The following CNTNAP2 variants were observed in gnomAD, a reference collection of about 807,000 sequenced individuals.
CNTNAP2 encodes the protein contactin-associated protein-like 2.
Under a neutral mutation model 155.2 loss-of-function variants are expected in CNTNAP2, and 98 were observed. The ratio of observed to expected loss-of-function variants is 0.63; its 90% CI spans 0.54 to 0.75. CNTNAP2 has a LOEUF of 0.75. CNTNAP2 is among the 30% of genes least tolerant of loss of function. The pLI is 0.00. For synonymous variants in CNTNAP2, 651 were observed against 631.2 expected (o/e 1.03, Z -0.47); for missense variants, 1,727 against 1,688.1 (o/e 1.02, Z -0.40).
chr7:147,785,406 T>G (rs1418586483), intron 13 of CNTNAP2, among the ~76,000 whole-genome samples: 1 of 152,094 alleles, frequency 6.6e-6, no homozygotes, highest in African/African-American at 2.4e-5. Context: ...GCCAGTGAAC[T>G]TTGTAATATG....
At chr7:148,117,282 T>C (rs1804494215) in intron 15 of CNTNAP2, among the ~76,000 whole-genome samples, 1 of 152,150 alleles carries the variant, frequency 6.6e-6, no homozygotes, top group Non-Finnish European at 1.5e-5. Flanking sequence ...ATCCCCATAC[T>C]ATACAACAAT....
chr7:147,719,957 G>A (rs1240507794), intron 13 of CNTNAP2, among the ~76,000 whole-genome samples: 1 of 151,772 alleles, frequency 6.6e-6, no homozygotes, highest in Non-Finnish European at 1.5e-5. Flanking sequence ...ATATGTTCCC[G>A]CCTTGTAACA....
intron 1 of CNTNAP2, among the ~76,000 whole-genome samples, chr7:146,132,962 G>C (rs1448808891): frequency 1.4e-5 from 2 of 148,080 alleles, no homozygotes; most frequent in Non-Finnish European, 3.0e-5. Context: ...GGTATTTCCA[G>C]TTCTAGATCC....
intron 1 of CNTNAP2, among the ~76,000 whole-genome samples, chr7:146,697,182 G>T (rs1169461845): frequency 2.6e-5 from 4 of 152,060 alleles, no homozygotes; most frequent in African/African-American, 9.7e-5. Context: ...ATTAGGCACA[G>T]ACACAATAAG....
At chr7:147,301,575 T>TATATAGTTATATAG in intron 9 of CNTNAP2, among the ~76,000 whole-genome samples, 1 of 120,358 alleles carries the variant, frequency 8.3e-6, no homozygotes, top group East Asian at 3.1e-4. Context: ...GTTATATAGC[T>TATATAGTTATATAG]CTCTCTCTCT....
chr7:147,502,839 A>C (rs1562969557), intron 11 of CNTNAP2, among the ~76,000 whole-genome samples: 1 of 152,112 alleles, frequency 6.6e-6, no homozygotes, highest in Non-Finnish European at 1.5e-5. Context: ...GAAATTAAAA[A>C]AAGAAAGTAG....
intron 3 of CNTNAP2, among the ~76,000 whole-genome samples, chr7:147,012,459 G>C (rs1323415044): frequency 6.6e-6 from 1 of 152,084 alleles, no homozygotes; most frequent in Non-Finnish European, 1.5e-5. Context: ...AGAAAAATGA[G>C]AAAGTAATTA....
chr7:147,515,579 C>T (rs911733795), intron 11 of CNTNAP2, among the ~76,000 whole-genome samples: 1 of 152,014 alleles, frequency 6.6e-6, no homozygotes, highest in African/African-American at 2.4e-5. Flanking sequence ...CCTCGGCCTC[C>T]CAAAGTGCTG....
intron 1 of CNTNAP2, among the ~76,000 whole-genome samples, chr7:146,617,315 T>C (rs1293743951): frequency 1.3e-5 from 2 of 152,214 alleles, no homozygotes; most frequent in Non-Finnish European, 2.9e-5. Flanking sequence ...ACTACAAAGA[T>C]GTGATTCAAA....
At chr7:147,177,895 C>T (rs1433620083) in intron 8 of CNTNAP2, among the ~76,000 whole-genome samples, 2 of 152,092 alleles carry the variant, frequency 1.3e-5, no homozygotes, top group South Asian at 2.1e-4. Flanking sequence ...TGCTTCTGCT[C>T]ATATCCACCA....
intron 15 of CNTNAP2, among the ~76,000 whole-genome samples, chr7:148,036,384 A>G (rs1468644009): frequency 1.3e-5 from 2 of 152,146 alleles, no homozygotes; most frequent in African/African-American, 4.8e-5. Flanking sequence ...TGTTTGGATC[A>G]TGGTGGCACT....
intron 1 of CNTNAP2, among the ~76,000 whole-genome samples, chr7:146,726,884 T>G (rs571304011): frequency 1.3e-5 from 2 of 152,306 alleles, no homozygotes; most frequent in East Asian, 3.9e-4. Flanking sequence ...CAAAATATAT[T>G]ATTTCTCTTT....
At chr7:146,238,371 G>C (rs577888623) in intron 1 of CNTNAP2, among the ~76,000 whole-genome samples, 1 of 152,228 alleles carries the variant, frequency 6.6e-6, no homozygotes, top group Admixed American at 6.5e-5. Flanking sequence ...TAAAATACCT[G>C]TTCTAATTTG....
intron 1 of CNTNAP2, among the ~76,000 whole-genome samples, chr7:146,471,963 A>G (rs979686086): frequency 1.3e-5 from 2 of 152,222 alleles, no homozygotes; most frequent in African/African-American, 4.8e-5. Context: ...TTTCTTAAGA[A>G]TCTGAAATGA....
intron 1 of CNTNAP2, among the ~76,000 whole-genome samples, chr7:146,333,854 G>T (rs533214991): frequency 6.6e-6 from 1 of 152,244 alleles, no homozygotes; most frequent in South Asian, 2.1e-4. Flanking sequence ...ATCTGTACTA[G>T]ACTGAAGAAA....
chr7:147,300,377 G>A (rs1794924422), intron 9 of CNTNAP2, 87 bp downstream of exon 9: 1 of 1,420,766 alleles, frequency 7.0e-7, no homozygotes, highest in African/African-American at 1.5e-5. Flanking sequence ...ATTTATATTT[G>A]ACTCAACTGA....
chr7:147,720,086 C>G (rs1161051395), intron 13 of CNTNAP2, among the ~76,000 whole-genome samples: 4 of 152,078 alleles, frequency 2.6e-5, no homozygotes, highest in Non-Finnish European at 5.9e-5. Flanking sequence ...ACTATTTTCA[C>G]TCTTCCCCAA....
intron 16 of CNTNAP2, among the ~76,000 whole-genome samples, chr7:148,128,075 G>T (rs1804752848): frequency 6.6e-6 from 1 of 151,964 alleles, no homozygotes; most frequent in Admixed American, 6.6e-5. Flanking sequence ...TCGCCATATT[G>T]CCCAGGCTGA....
intron 1 of CNTNAP2, among the ~76,000 whole-genome samples, chr7:146,197,407 A>G (rs149001068): frequency 0.011 from 1,604 of 152,268 alleles, 17 homozygotes; most frequent in Middle Eastern, 0.048. Flanking sequence ...GAAATCAGGT[A>G]TATAATTTCT....
Sources: gnomAD v4.1 joint callset for allele counts (sites outside exome capture counted in the v4.1 genomes callset) on GRCh38, gnomAD v4.1.1 for gene constraint, MANE v1.5 for transcripts, NCBI Gene and HGNC (gene_info 2026-07-23, HGNC 2026-07-21) for gene names.